Variants in PCBP2 observed in about 807,000 individuals in gnomAD.
PCBP2 encodes poly(rC) binding protein 2.
Under a neutral mutation model 50.1 loss-of-function variants are expected in PCBP2, and 4 were observed. That is an observed-to-expected ratio of 0.08 (90% CI 0.04 to 0.18). The LOEUF is 0.18. Among genes scored for constraint, PCBP2 ranks in the 10% least tolerant of loss-of-function variants. The probability of loss-of-function intolerance (pLI) is 1.00; values close to 1 mark genes in which losing one functional copy is unlikely to be tolerated. For missense variants in PCBP2, 161 were observed against 474.3 expected (o/e 0.34, Z 6.14); for synonymous variants, 179 against 168.0 (o/e 1.07, Z -0.51).
At position 53,454,733 on chromosome 12, in the gene PCBP2, C is replaced by A; in HGVS notation, c.-68C>A. 7.4e-7 allele frequency: 1 copy of A among 1,357,858 alleles called. No individual in the cohort carries two copies. Among genetic ancestry groups the A allele is most frequent in the Non-Finnish European group, 1.1e-6 (1 of 949,454 alleles). 84.1% of individuals were successfully genotyped at this position (1,357,858 alleles called of 1,614,324 possible). Reference sequence around the variant, plus strand: ...GTCATGTTTGCATTTTAGTTTTTGGCTTTCACCCCCAACCAGTGACCAAAG... The same window carrying A: ...GTCATGTTTGCATTTTAGTTTTTGGATTTCACCCCCAACCAGTGACCAAAG... On this transcript the variant is annotated 5_prime_UTR_variant, in exon 2 of 15. Transcript: ENST00000546463.
intron 14 of PCBP2, 54 bp from the exon 15 acceptor site, chr12:53,479,352 G>C: frequency 1.4e-6 from 2 of 1,474,416 alleles, no homozygotes; most frequent in Non-Finnish European, 1.9e-6. Context: ...AGGTAGAGAT[G>C]AGGTGCAGCT....
chr12:53,452,187 C>A lies in PCBP2; in HGVS notation c.-265C>A, dbSNP rs1224952768. The A allele has an allele frequency of 1.4e-5, 2 of 140,210 alleles. No individual in the cohort carries two copies. The highest frequency in any genetic ancestry group is 2.7e-5 in the African/African-American group (1 of 37,650). 8.7% of individuals were successfully genotyped at this position (140,210 alleles called of 1,614,324 possible). A position where few individuals can be genotyped will look rare whatever the true frequency, so the allele number is the denominator to read the frequency against. On this transcript the variant is annotated 5_prime_UTR_variant, in exon 1 of 15. Transcript: ENST00000546463. ...GCCCTCCGCCCGCCCGCCCGCCCTCCGCCGCCCTCCACCCGCCCCGGGGTC... is the reference window on the plus strand; with the variant it reads ...GCCCTCCGCCCGCCCGCCCGCCCTCAGCCGCCCTCCACCCGCCCCGGGGTC...
intron 14 of PCBP2, among the ~76,000 whole-genome samples, chr12:53,478,787 C>CA (rs1942840432): frequency 6.6e-6 from 1 of 151,578 alleles, no homozygotes. Flanking sequence ...GCCTGGGTGA[C>CA]AGAGCTAGAC....
chr12:53,459,312 G>T lies in PCBP2; in HGVS notation c.284G>T (p.Arg95Ile). 6.2e-7 allele frequency: 1 copy of T among 1,613,134 alleles called. No homozygotes were observed. Among genetic ancestry groups the T allele is most frequent in the Non-Finnish European group, 8.5e-7 (1 of 1,179,410 alleles). ...ATGACCAATAGCACAGCTGCCAGTA[G>T]ACCCCCGGTCACCCTGAGGCTGGTG... ...SSMTNSTAAS[R>I]PPVTLRLVVP... The change falls in exon 6 of 15, where the codon AGA (arginine) becomes ATA (isoleucine). Residue 95 changes from arginine to isoleucine, a missense_variant. Transcript: ENST00000546463.
chr12:53,466,036 C>G, intron 10 of PCBP2, 63 bp downstream of exon 10: 1 of 1,400,652 alleles, frequency 7.1e-7, no homozygotes, highest in Non-Finnish European at 1.0e-6. Context: ...TTGTCTCACT[C>G]CTCTCTCCCA....
chr12:53,473,643 C>T (rs1174788715), intron 14 of PCBP2, among the ~76,000 whole-genome samples: 3 of 152,154 alleles, frequency 2.0e-5, no homozygotes, highest in African/African-American at 7.2e-5. Context: ...AATTCGGTAT[C>T]TTAGCCATGG....
intron 1 of PCBP2, 128 bp from the exon 2 acceptor site, chr12:53,454,596 GTA>G (rs1940849484): frequency 1.7e-6 from 1 of 580,008 alleles, no homozygotes. Flanking sequence ...TGCTTGGTGT[GTA>G]TATAAGTCTG....
intron 5 of PCBP2, among the ~76,000 whole-genome samples, chr12:53,456,383 G>A (rs374357801): frequency 1.3e-5 from 2 of 151,298 alleles, no homozygotes; most frequent in African/African-American, 2.4e-5. Flanking sequence ...GCTTGAACCC[G>A]GGAGGCGGAG....
intron 14 of PCBP2, chr12:53,474,760 G>T (rs937847028): frequency 2.9e-6 from 1 of 340,174 alleles, no homozygotes; most frequent in Non-Finnish European, 5.8e-6. Context: ...TTGTCAACCA[G>T]AGGCACTTAC....
intron 9 of PCBP2, among the ~76,000 whole-genome samples, chr12:53,465,215 C>T (rs1941736182): frequency 6.6e-6 from 1 of 152,030 alleles, no homozygotes; most frequent in Non-Finnish European, 1.5e-5. Flanking sequence ...CCATCCCCTC[C>T]CTCCCTGTTC....
chr12:53,460,404 C>T (rs1225364179), intron 6 of PCBP2: 1 of 384,938 alleles, frequency 2.6e-6, no homozygotes, highest in Non-Finnish European at 5.3e-6. Flanking sequence ...CCTTGGTCTC[C>T]CAAAGTGCTC....
rs548706003 is a variant in PCBP2, at chr12:53,461,715, C to CGT, written c.504+588_504+589dup. 4.8e-3 allele frequency among the ~76,000 whole-genome samples: 718 copies of CGT among 150,732 alleles called. 3 individuals carry two copies. The highest frequency in any genetic ancestry group is 0.02 in the East Asian group (101 of 5,124). ...TGGTGAGAAATGAAACGAATTTTTT[C>CGT]GTGTGTGTGTGTGTGTGACGGGTTC... On this transcript the variant is annotated intron_variant, in intron 7 of 14. Transcript: ENST00000546463.
intron 7 of PCBP2, among the ~76,000 whole-genome samples, chr12:53,462,076 G>A (rs1165647880): frequency 6.6e-6 from 1 of 152,160 alleles, no homozygotes; most frequent in Admixed American, 6.5e-5. Flanking sequence ...TTTATAGATA[G>A]TGTCTGTATT....
In PCBP2 at chr12:53,459,388, C is replaced by A; in HGVS notation, c.360C>A (p.Ile120=). 2 of 1,612,346 alleles carry A rather than the reference C, an allele frequency of 1.2e-6. No homozygotes were observed. Among genetic ancestry groups the A allele is most frequent in the South Asian group, 1.1e-5 (1 of 90,956 alleles). The change falls in exon 6 of 15, where the codon ATC becomes ATA. Residue 120 remains isoleucine (I), a synonymous_variant. Coordinates refer to ENST00000546463, the MANE Select transcript of PCBP2 (RefSeq NM_031989.5). ...GSLIGKGGCK[I]KEIRESTGAQ... ...TCATTGGAAAAGGTGGATGCAAGAT[C>A]AAGGAAATACGAGAGGTTAGTGACT...
chr12:53,461,292 C>A, intron 7 of PCBP2, 149 bp downstream of exon 7: 1 of 803,536 alleles, frequency 1.2e-6, no homozygotes, highest in Non-Finnish European at 1.9e-6. Flanking sequence ...TCATATTTTC[C>A]TTCCCCTAGC....
chr12:53,454,585 G>T, intron 1 of PCBP2, 141 bp from the exon 2 acceptor site: 1 of 558,736 alleles, frequency 1.8e-6, no homozygotes, highest in Non-Finnish European at 3.2e-6. Flanking sequence ...TCATGCAGTT[G>T]TGCTTGGTGT....
chr12:53,459,427 T>TAAA (rs1941279144), intron 6 of PCBP2, 24 bp downstream of exon 6: 1 of 1,597,842 alleles, frequency 6.3e-7, no homozygotes, highest in Non-Finnish European at 8.5e-7. Context: ...GTCGTCCTTT[T>TAAA]AGAAATGTTA....
At position 53,479,451 on chromosome 12, in the gene PCBP2, A is replaced by C; in HGVS notation, c.*9A>C. ...GCATGGGGAGCAGCTAGAACAATGC[A>C]GATTCATCCATAATCCCTTTCTGCT... On this transcript the variant is annotated 3_prime_UTR_variant, in exon 15 of 15. Transcript: ENST00000546463. 1 of 1,612,822 alleles carries C rather than the reference A, an allele frequency of 6.2e-7. No homozygotes were observed. Among genetic ancestry groups the C allele is most frequent in the Non-Finnish European group, 8.5e-7 (1 of 1,179,072 alleles).
intron 5 of PCBP2, among the ~76,000 whole-genome samples, chr12:53,458,286 CTTTCG>C (rs869056911): frequency 1.4e-5 from 2 of 143,620 alleles, no homozygotes; most frequent in East Asian, 2.0e-4. Context: ...TGTTTTATAT[CTTTCG>C]TTTTTGTTTT....
Sources: gnomAD v4.1 joint callset for allele counts (sites outside exome capture counted in the v4.1 genomes callset) on GRCh38, gnomAD v4.1.1 for gene constraint, MANE v1.5 for transcripts, NCBI Gene and HGNC (gene_info 2026-07-23, HGNC 2026-07-21) for gene names.